Variants in CDNF observed in about 807,000 individuals in gnomAD.
The protein encoded by CDNF is cerebral dopamine neurotrophic factor.
CDNF carries 9 observed loss-of-function variants against 14.8 expected under a neutral mutation model. That is an observed-to-expected ratio of 0.61 (90% CI 0.37 to 1.06). The LOEUF is 1.06. CDNF is among the 50% of genes least tolerant of loss of function. The probability of loss-of-function intolerance (pLI) is 0.01; values close to 1 mark genes in which losing one functional copy is unlikely to be tolerated. For synonymous variants in CDNF, 86 were observed against 87.2 expected (o/e 0.99, Z 0.07); for missense variants, 228 against 228.4 (o/e 1.00, Z 0.01).
At chr10:14,826,029 G>GAGAAGGAGAAGGAGA (rs1554764000) in intron 2 of CDNF, among the ~76,000 whole-genome samples, 55 of 86,164 alleles carry the variant, frequency 6.4e-4, no homozygotes, top group African/African-American at 2.4e-3. Context: ...GAAGAAGAAG[G>GAGAAGGAGAAGGAGA]AGAAGAAGAA....
intron 3 of CDNF, among the ~76,000 whole-genome samples, chr10:14,821,865 G>A (rs7900873): frequency 0.4 from 60,740 of 151,980 alleles, 14,673 homozygotes; most frequent in African/African-American, 0.68. Flanking sequence ...CTTGGTTTGC[G>A]GCCAACTTGA....
Position 14,819,868 on chromosome 10 carries a change from A to T in CDNF, c.*112T>A, listed in dbSNP as rs1056826880. On this transcript the variant is annotated 3_prime_UTR_variant, in exon 4 of 4. Coordinates refer to ENST00000465530, the MANE Select transcript of CDNF (RefSeq NM_001029954.3). ...TTCTGAGGAATAATACCAACACAAA[A>T]AGCATGAGACCAAATATGATGCATT... The T allele has an allele frequency of 7.4e-6, 8 of 1,086,274 alleles. No homozygotes were observed. The highest frequency in any genetic ancestry group is 1.1e-5 in the Non-Finnish European group (8 of 760,098). The allele number at this position is 1,086,274 out of a possible 1,614,324, so 67.3% of individuals were successfully genotyped here. A position where few individuals can be genotyped will look rare whatever the true frequency, so the allele number is the denominator to read the frequency against.
chr10:14,837,143 C>A (rs1833897947), intron 1 of CDNF, among the ~76,000 whole-genome samples: 1 of 152,172 alleles, frequency 6.6e-6, no homozygotes, highest in African/African-American at 2.4e-5. Context: ...AAGGGGCTAG[C>A]ATAGCCACTT....
intron 1 of CDNF, among the ~76,000 whole-genome samples, chr10:14,828,548 G>A (rs1480485038): frequency 1.3e-5 from 2 of 152,152 alleles, no homozygotes; most frequent in Non-Finnish European, 2.9e-5. Flanking sequence ...TCAGGAGGCT[G>A]AGGCAGGAGA....
intron 3 of CDNF, among the ~76,000 whole-genome samples, chr10:14,822,828 T>C (rs528961217): frequency 6.6e-6 from 1 of 152,336 alleles, no homozygotes; most frequent in East Asian, 1.9e-4. Flanking sequence ...AAGCTGGATG[T>C]TAAAAGACTT....
At chr10:14,833,758 A>G (rs1005936691) in intron 1 of CDNF, among the ~76,000 whole-genome samples, 4 of 152,278 alleles carry the variant, frequency 2.6e-5, no homozygotes, top group African/African-American at 9.6e-5. Flanking sequence ...AAAGAGACAC[A>G]GTCCTGGGTC....
Position 14,825,477 on chromosome 10 carries a change from A to G in CDNF, c.385+2T>C, listed in dbSNP as rs768956956. The G allele has an allele frequency of 2.5e-6, 4 of 1,613,874 alleles. No individual in the cohort carries two copies. Among genetic ancestry groups the G allele is most frequent in the Non-Finnish European group, 3.4e-6 (4 of 1,179,912 alleles). On this transcript the variant is annotated splice_donor_variant, in intron 3 of 3. Transcript: ENST00000465530. LOFTEE classifies it high-confidence loss of function. ...TGGGAAAAACACGGGGCTGTGTTAT[A>G]CCATATTTCAGCTCACAGATCTGGC...
At chr10:14,831,604 C>T (rs1833844722) in intron 1 of CDNF, among the ~76,000 whole-genome samples, 2 of 151,486 alleles carry the variant, frequency 1.3e-5, no homozygotes, top group South Asian at 2.1e-4. Flanking sequence ...GATGGAGTCT[C>T]GCTCTGTTGC....
At chr10:14,826,482 A>AAAGAAGAAAAAG (rs1833796837) in intron 2 of CDNF, among the ~76,000 whole-genome samples, 1 of 140,892 alleles carries the variant, frequency 7.1e-6, no homozygotes, top group African/African-American at 2.6e-5. Flanking sequence ...AGAAGAAGAA[A>AAAGAAGAAAAAG]AAGAAGAAGA....
In CDNF at chr10:14,828,283, C is replaced by G; in HGVS notation, c.116-11G>C. The G allele has an allele frequency of 6.2e-7, 1 of 1,612,878 alleles. No homozygotes were observed. Among genetic ancestry groups the G allele is most frequent in the Non-Finnish European group, 8.5e-7 (1 of 1,179,328 alleles). On this transcript the variant is annotated splice_polypyrimidine_tract_variant and intron_variant, in intron 1 of 3. Coordinates refer to ENST00000465530, the MANE Select transcript of CDNF (RefSeq NM_001029954.3). Reference sequence around the variant, plus strand: ...AGAATTCTTTACATACTGGAAGGAACAAATAAATATGTCTGCATGCACAAC... The same window carrying G: ...AGAATTCTTTACATACTGGAAGGAAGAAATAAATATGTCTGCATGCACAAC...
At chr10:14,825,340 C>CTGATGA in intron 3 of CDNF, 139 bp downstream of exon 3, 2 of 779,194 alleles carry the variant, frequency 2.6e-6, no homozygotes, top group Non-Finnish European at 4.2e-6. Flanking sequence ...CCATAGGTAC[C>CTGATGA]ATTCATCAGC....
intron 2 of CDNF, 121 bp from the exon 3 acceptor site, chr10:14,825,741 G>A (rs1833774132): frequency 1.9e-6 from 2 of 1,043,582 alleles, no homozygotes; most frequent in Non-Finnish European, 2.8e-6. Context: ...GCTCACGCCT[G>A]TAATCCCAGC....
At chr10:14,820,786 G>C (rs1810025257) in intron 3 of CDNF, among the ~76,000 whole-genome samples, 1 of 152,112 alleles carries the variant, frequency 6.6e-6, no homozygotes, top group African/African-American at 2.4e-5. Context: ...ATATGGTTTG[G>C]ATTTGTGTCT....
chr10:14,834,804 A>AT lies in CDNF; in HGVS notation c.115+3027dup, dbSNP rs1387017476. On this transcript the variant is annotated intron_variant, in intron 1 of 3. Coordinates refer to ENST00000465530, the MANE Select transcript of CDNF (RefSeq NM_001029954.3). ...CTGGGAAACTGCTGAAAGATACTAA[A>AT]TAAGGAAGTAATATGATAGCCCTGC... is the stretch of plus-strand genomic sequence containing the variant. Among the ~76,000 whole-genome samples the AT allele has an allele frequency of 9.2e-5, 14 of 152,288 alleles. No individual in the cohort carries two copies. The East Asian group carries it at 2.7e-3, about 29-fold the overall frequency.
Position 14,828,124 on chromosome 10 carries a change from G to A in CDNF, c.243+21C>T, listed in dbSNP as rs762535331. On this transcript the variant is annotated intron_variant, in intron 2 of 3. Transcript: ENST00000465530. The stretch of plus-strand genomic sequence containing the variant: ...TATTCTTCAAGCACATGGGGAAAAT[G>A]AAAGGTGAAATTTACTATACCAGGC... The A allele has an allele frequency of 3.1e-6, 5 of 1,611,792 alleles. No individual in the cohort carries two copies. In the East Asian group the frequency reaches 6.7e-5, roughly 22 times the overall value.
intron 2 of CDNF, among the ~76,000 whole-genome samples, chr10:14,826,029 G>GAGGAGAAGAAGA (rs1833779099): frequency 1.2e-5 from 1 of 86,114 alleles, no homozygotes; most frequent in East Asian, 3.6e-4. Context: ...GAAGAAGAAG[G>GAGGAGAAGAAGA]AGAAGAAGAA....
intron 2 of CDNF, 39 bp downstream of exon 2, chr10:14,828,106 C>G: frequency 6.2e-7 from 1 of 1,607,812 alleles, no homozygotes; most frequent in Non-Finnish European, 8.5e-7. Context: ...CAGTATTCTT[C>G]AAGCACATGG....
chr10:14,820,730 T>A (rs1833731214), intron 3 of CDNF, among the ~76,000 whole-genome samples: 1 of 151,016 alleles, frequency 6.6e-6, no homozygotes, highest in Admixed American at 6.6e-5. Context: ...AGACTCTGTC[T>A]CAAAAAAAAA....
chr10:14,829,624 T>TTTTTG (rs1833827468), intron 1 of CDNF, among the ~76,000 whole-genome samples: 1 of 152,088 alleles, frequency 6.6e-6, no homozygotes, highest in Non-Finnish European at 1.5e-5. Context: ...TCAGAGTTTT[T>TTTTTG]TTTGTTTGTT....
Sources: allele counts gnomAD v4.1 joint callset (sites outside exome capture counted in the v4.1 genomes callset), GRCh38; gene constraint gnomAD v4.1.1; transcripts MANE v1.5; gene names NCBI Gene and HGNC (gene_info 2026-07-23, HGNC 2026-07-21).